Variants in TNFRSF10B observed in about 807,000 individuals in gnomAD.
TNFRSF10B encodes TNF receptor superfamily member 10b.
In TNFRSF10B, 35 loss-of-function variants were observed where a neutral mutation model predicts 41.4. That is an observed-to-expected ratio of 0.85 (90% CI 0.65 to 1.12). TNFRSF10B has a LOEUF of 1.12. Among genes scored for constraint, TNFRSF10B ranks in the 50% most tolerant of loss-of-function variants. The pLI, the probability that TNFRSF10B is intolerant of heterozygous loss-of-function variation, is 0.00. For synonymous variants in TNFRSF10B, 230 were observed against 215.5 expected, an observed-to-expected ratio of 1.07 and a Z score of -0.59; for missense variants, 584 against 552.7, an observed-to-expected ratio of 1.06 and a Z score of -0.57.
intron 1 of TNFRSF10B, among the ~76,000 whole-genome samples, chr8:23,045,841 T>C (rs1812341780): frequency 6.6e-6 from 1 of 152,150 alleles, no homozygotes; most frequent in African/African-American, 2.4e-5. Flanking sequence ...AAAAACAATA[T>C]GATCACCTCA....
chr8:23,067,878 C>T (rs1010357419), intron 1 of TNFRSF10B, among the ~76,000 whole-genome samples: 1 of 152,274 alleles, frequency 6.6e-6, no homozygotes, highest in East Asian at 1.9e-4. Context: ...CTCTGAGCTG[C>T]GGTCTCTTCC....
In TNFRSF10B at chr8:23,049,970, A is replaced by G. The variant is rs200868193; in HGVS notation, c.145-6727T>C. 3 of 152,380 alleles carry G rather than the reference A, an allele frequency of 2.0e-5. No homozygotes were observed. In the East Asian group the frequency reaches 5.8e-4, roughly 29 times the overall value. The allele number at this position is 152,380 out of a possible 1,614,324, so 9.4% of individuals were successfully genotyped here. A position where few individuals can be genotyped will look rare whatever the true frequency, so the allele number is the denominator to read the frequency against. ...ATGAGACAGTCTTCAGGAGGATCCCAGCAGCTGTCAGGTGAGGTTTCCCCA... is the reference window on the plus strand; with the variant it reads ...ATGAGACAGTCTTCAGGAGGATCCCGGCAGCTGTCAGGTGAGGTTTCCCCA... On this transcript the variant is annotated intron_variant, in intron 1 of 8. Transcript: ENST00000276431.
At chr8:23,067,850 G>A (rs1033202468) in intron 1 of TNFRSF10B, among the ~76,000 whole-genome samples, 3 of 152,136 alleles carry the variant, frequency 2.0e-5, no homozygotes, top group Non-Finnish European at 4.4e-5. Context: ...GTTAGGTCTA[G>A]GCCCACACAC....
Position 23,044,621 on chromosome 8 carries a change from T to C in TNFRSF10B, c.145-1378A>G, listed in dbSNP as rs527416277. Among the ~76,000 whole-genome samples, 5 of 152,126 alleles carry C rather than the reference T, an allele frequency of 3.3e-5. No individual in the cohort carries two copies. The South Asian group carries it at 1.0e-3, about 32-fold the overall frequency. On this transcript the variant is annotated intron_variant, in intron 1 of 8. Transcript: ENST00000276431. ...TGGAAACATAACATAACCAAATGTA[T>C]GGGATGCAGCAAAAGCAGTTTTAAG...
At chr8:23,067,318 A>C (rs1221617255) in intron 1 of TNFRSF10B, among the ~76,000 whole-genome samples, 1 of 152,128 alleles carries the variant, frequency 6.6e-6, no homozygotes. Context: ...AGGAGAACAT[A>C]AACTCTAAAA....
chr8:23,051,489 A>T (rs1163279767), intron 1 of TNFRSF10B, among the ~76,000 whole-genome samples: 1 of 152,212 alleles, frequency 6.6e-6, no homozygotes, highest in Admixed American at 6.5e-5. Flanking sequence ...TAAATAAATG[A>T]AACATTAATA....
In TNFRSF10B at chr8:23,029,616, C is replaced by A; in HGVS notation, c.470G>T (p.Arg157Leu). The change falls in exon 4 of 9, where the codon CGC becomes CTC. Residue 157 changes from arginine (R) to leucine (L), a missense_variant. Transcript: ENST00000276431. ...CCCCCGGCTCCTGTCTCACCCTGTG[C>A]GGCACTTCCGGCACATCTCAGGAGA... ...EDSPEMCRKC[R>L]TGCPRGMVKV... The A allele has an allele frequency of 1.2e-6, 2 of 1,608,772 alleles. No individual in the cohort carries two copies. Among genetic ancestry groups the A allele is most frequent in the Non-Finnish European group, 1.7e-6 (2 of 1,177,288 alleles).
chr8:23,039,205 G>A (rs1006500853), intron 2 of TNFRSF10B, among the ~76,000 whole-genome samples: 23 of 152,066 alleles, frequency 1.5e-4, no homozygotes, highest in Non-Finnish European at 1.6e-4. Context: ...TGCAGAGCTC[G>A]GGCAGTAATG....
In TNFRSF10B at chr8:23,021,985, A is replaced by G. The variant is rs1316379098; in HGVS notation, c.*686T>C. ...TAAAAGTAGAAAGGTAAGGCCAAGC[A>G]TGGGGGCTCACGCCTCTAATTCCAC... On this transcript the variant is annotated 3_prime_UTR_variant, in exon 9 of 9. Transcript: ENST00000276431. The G allele has an allele frequency of 6.6e-6, 3 of 452,074 alleles. No homozygotes were observed. The highest frequency in any genetic ancestry group is 3.1e-5 in the South Asian group (2 of 64,318). The allele number at this position is 452,074 out of a possible 1,614,324, so 28.0% of individuals were successfully genotyped here. A position where few individuals can be genotyped will look rare whatever the true frequency, so the allele number is the denominator to read the frequency against.
Position 23,029,690 on chromosome 8 carries a change from G to A in TNFRSF10B, c.396C>T (p.Thr132=). Residue 132 remains threonine, a synonymous_variant, in exon 4 of 9, where the codon ACC becomes ACT. Transcript: ENST00000276431. ...GEVELSPCTT[T]RNTVCQCEEG... Reference sequence around the variant, plus strand: ...CTTCGCACTGACACACTGTGTTTCTGGTCGTGGTGCAGGGACTTAGCTCCA... The same window carrying A: ...CTTCGCACTGACACACTGTGTTTCTAGTCGTGGTGCAGGGACTTAGCTCCA... The A allele has an allele frequency of 6.2e-7, 1 of 1,613,976 alleles. No homozygotes were observed. The highest frequency in any genetic ancestry group is 8.5e-7 in the Non-Finnish European group (1 of 1,179,966).
rs964640957 is a variant in TNFRSF10B at position 23,020,220 on chromosome 8, A to C, written c.*2451T>G. The stretch of plus-strand genomic sequence containing the variant: ...CACAATGTGCTTCCTTGTTTGTATT[A>C]TAACACATTTCAAATAGGGACCTTT... On this transcript the variant is annotated 3_prime_UTR_variant, in exon 9 of 9. Transcript: ENST00000276431. 8.8e-6 allele frequency: 4 copies of C among 452,964 alleles called. No individual in the cohort carries two copies. Among genetic ancestry groups the C allele is most frequent in the African/African-American group, 8.0e-5 (4 of 49,980 alleles). The allele number at this position is 452,964 out of a possible 1,614,324, so 28.1% of individuals were successfully genotyped here. A position where few individuals can be genotyped will look rare whatever the true frequency, so the allele number is the denominator to read the frequency against.
chr8:23,058,130 C>G (rs1015053791), intron 1 of TNFRSF10B, among the ~76,000 whole-genome samples: 17 of 152,066 alleles, frequency 1.1e-4, no homozygotes, highest in Non-Finnish European at 2.5e-4. Flanking sequence ...GCCTGTAATC[C>G]CAGCTACTTG....
intron 4 of TNFRSF10B, 90 bp from the exon 5 acceptor site, chr8:23,028,692 C>G (rs1415645612): frequency 6.6e-7 from 1 of 1,514,050 alleles, no homozygotes; most frequent in East Asian, 2.3e-5. Context: ...TCCCCAGTGT[C>G]CCTGAGAAGG....
chr8:23,031,144 C>T (rs1326571746), intron 2 of TNFRSF10B, among the ~76,000 whole-genome samples: 6 of 152,158 alleles, frequency 3.9e-5, no homozygotes, highest in African/African-American at 2.4e-5. Context: ...GGCGTGATCT[C>T]GGCTCACTGC....
At chr8:23,040,399 A>C (rs796208197) in intron 2 of TNFRSF10B, among the ~76,000 whole-genome samples, 1 of 9,656 alleles carries the variant, frequency 1.0e-4, no homozygotes, top group African/African-American at 2.0e-4. Context: ...TATTTATTAA[A>C]TATATATACA....
At chr8:23,023,025 C>T (rs1221952725) in intron 8 of TNFRSF10B, 41 bp from the exon 9 acceptor site, 8 of 1,600,690 alleles carry the variant, frequency 5.0e-6, no homozygotes, top group Middle Eastern at 1.7e-4. Context: ...TGAGTTGGGA[C>T]TCAGAAAGGG....
chr8:23,031,375 CTATTTATTTATTTATT>C (rs61141147), intron 2 of TNFRSF10B, among the ~76,000 whole-genome samples: 7 of 140,572 alleles, frequency 5.0e-5, no homozygotes, highest in Admixed American at 4.3e-4. Flanking sequence ...TGCACCCGGC[CTATTTATTTATTTATT>C]TATTTATTTA....
intron 1 of TNFRSF10B, among the ~76,000 whole-genome samples, chr8:23,058,864 TA>T (rs919254626): frequency 3.3e-5 from 5 of 152,208 alleles, no homozygotes; most frequent in Non-Finnish European, 7.3e-5. Context: ...GCTGTTTTTT[TA>T]AATCTAAAAC....
chr8:23,066,848 G>A (rs913206592), intron 1 of TNFRSF10B, among the ~76,000 whole-genome samples: 4 of 151,778 alleles, frequency 2.6e-5, no homozygotes, highest in Admixed American at 6.6e-5. Context: ...AGTGAGCTGA[G>A]ATCCCACCAC....
Sources: allele counts gnomAD v4.1 joint callset (sites outside exome capture counted in the v4.1 genomes callset), GRCh38; gene constraint gnomAD v4.1.1; transcripts MANE v1.5; gene names NCBI Gene and HGNC (gene_info 2026-07-23, HGNC 2026-07-21).